Variants in ESRRG observed in about 807,000 individuals in gnomAD.
ESRRG encodes the protein estrogen-related receptor gamma.
Under a neutral mutation model 44.0 loss-of-function variants are expected in ESRRG, and 13 were observed. That is an observed-to-expected ratio of 0.30 (90% CI 0.19 to 0.47). The LOEUF is 0.47. Among genes scored for constraint, ESRRG ranks in the 20% least tolerant of loss-of-function variants. The probability of loss-of-function intolerance (pLI) is 1.00; values close to 1 mark genes in which losing one functional copy is unlikely to be tolerated. For synonymous variants in ESRRG, 215 were observed against 214.6 expected, an observed-to-expected ratio of 1.00 and a Z score of -0.02; for missense variants, 395 against 580.6, an observed-to-expected ratio of 0.68 and a Z score of 3.29.
chr1:216,837,570 C>T (rs2095587179), intron 2 of ESRRG, among the ~76,000 whole-genome samples: 1 of 151,962 alleles, frequency 6.6e-6, no homozygotes, highest in Non-Finnish European at 1.5e-5. Context: ...TAAAGATAGC[C>T]CAGTGGGTTG....
intron 2 of ESRRG, among the ~76,000 whole-genome samples, chr1:216,854,505 G>A (rs942056923): frequency 3.9e-5 from 6 of 152,014 alleles, no homozygotes; most frequent in African/African-American, 1.4e-4. Flanking sequence ...CAGGTAGGTA[G>A]ACAAATGTGT....
intron 3 of ESRRG, among the ~76,000 whole-genome samples, chr1:216,574,472 G>C (rs1372900922): frequency 1.3e-5 from 2 of 152,062 alleles, no homozygotes; most frequent in Non-Finnish European, 1.5e-5. Context: ...ATAATATTCT[G>C]TAGTCCAAAG....
At chr1:216,513,886 C>T (rs1362508490) in intron 6 of ESRRG, among the ~76,000 whole-genome samples, 1 of 152,006 alleles carries the variant, frequency 6.6e-6, no homozygotes, top group Non-Finnish European at 1.5e-5. Context: ...GTGAATAGTT[C>T]AACATTTCAA....
At chr1:216,723,457 GC>G, upstream of ESRRG, 1 of 656,410 alleles carries the variant, frequency 1.5e-6, no homozygotes. Context: ...AGGACTTAAA[GC>G]CCCGATTGGA....
chr1:216,516,637 A>ACG (rs913334864), intron 6 of ESRRG, among the ~76,000 whole-genome samples: 3 of 47,454 alleles, frequency 6.3e-5, no homozygotes, highest in African/African-American at 2.1e-4. Context: ...ACACACACAT[A>ACG]CACACACACA....
At chr1:216,804,366 C>T (rs528096295) in intron 2 of ESRRG, among the ~76,000 whole-genome samples, 1 of 152,256 alleles carries the variant, frequency 6.6e-6, no homozygotes, top group South Asian at 2.1e-4. Context: ...GTAGTGACAG[C>T]AAGGATGCCG....
chr1:216,969,849 G>C (rs2071276614), intron 1 of ESRRG, among the ~76,000 whole-genome samples: 1 of 152,082 alleles, frequency 6.6e-6, no homozygotes, highest in Non-Finnish European at 1.5e-5. Flanking sequence ...CACTCTCAAA[G>C]TGCTGGGATT....
intron 1 of ESRRG, among the ~76,000 whole-genome samples, chr1:216,948,157 A>G (rs952130118): frequency 6.6e-6 from 1 of 152,102 alleles, no homozygotes; most frequent in African/African-American, 2.4e-5. Flanking sequence ...TCCAACCACC[A>G]CTGCTGTAAC....
intron 1 of ESRRG, among the ~76,000 whole-genome samples, chr1:217,026,531 C>G (rs1221657252): frequency 2.6e-5 from 4 of 152,074 alleles, no homozygotes; most frequent in Admixed American, 1.3e-4. Context: ...TTAAATAGCA[C>G]CTAGGTCCTG....
At chr1:216,845,271 C>T (rs1041679473) in intron 2 of ESRRG, among the ~76,000 whole-genome samples, 1 of 151,992 alleles carries the variant, frequency 6.6e-6, no homozygotes, top group Non-Finnish European at 1.5e-5. Flanking sequence ...GAAGGAGTAC[C>T]ATAAATATTT....
At chr1:216,894,349 C>A (rs2058166993) in intron 2 of ESRRG, among the ~76,000 whole-genome samples, 1 of 152,128 alleles carries the variant, frequency 6.6e-6, no homozygotes, top group African/African-American at 2.4e-5. Flanking sequence ...TCATAACTCC[C>A]TGAGTCAGGT....
At chr1:217,095,487 T>C (rs1342925132) in intron 1 of ESRRG, among the ~76,000 whole-genome samples, 2 of 152,148 alleles carry the variant, frequency 1.3e-5, no homozygotes, top group African/African-American at 4.8e-5. Flanking sequence ...ACTGCACTTG[T>C]TGAGGTGGCA....
At chr1:217,114,214 G>A (rs1021334329) in intron 1 of ESRRG, among the ~76,000 whole-genome samples, 6 of 151,926 alleles carry the variant, frequency 3.9e-5, no homozygotes, top group African/African-American at 1.2e-4. Context: ...AAATTCTGGT[G>A]AGTGATAAAT....
At chr1:216,514,959 TAC>T (rs35668576) in intron 6 of ESRRG, among the ~76,000 whole-genome samples, 53,130 of 149,098 alleles carry the variant, frequency 0.36, 10,816 homozygotes, top group African/African-American at 0.57. Context: ...TTTTACTTTA[TAC>T]ACACACACAC....
At chr1:216,875,857 A>G (rs1254854651) in intron 2 of ESRRG, among the ~76,000 whole-genome samples, 2 of 152,076 alleles carry the variant, frequency 1.3e-5, no homozygotes, top group African/African-American at 4.8e-5. Context: ...GGTTTTCCCA[A>G]TCTACACTCC....
At chr1:216,910,306 G>A (rs79897285) in intron 2 of ESRRG, among the ~76,000 whole-genome samples, 3,654 of 151,770 alleles carry the variant, frequency 0.024, 56 homozygotes, top group Non-Finnish European at 0.037. Context: ...TGATTCCAAA[G>A]CAAACTAAAC....
rs149787257 is a variant in ESRRG, at chr1:216,719,208, T to A, written c.56+4036A>T. Among the ~76,000 whole-genome samples the A allele has an allele frequency of 1.8e-3, 277 of 152,048 alleles. 1 individual carries two copies. Among genetic ancestry groups the A allele is most frequent in the African/African-American group, 5.3e-3 (219 of 41,512 alleles). ...GTCTGTAATTCTTGCAGGAGTGAGG[T>A]ATTGCAAAAGTATTGTTAAATAGAA... is the stretch of plus-strand genomic sequence containing the variant. On this transcript the variant is annotated intron_variant, in intron 1 of 6. Transcript: ENST00000408911.
intron 2 of ESRRG, among the ~76,000 whole-genome samples, chr1:216,667,916 T>A (rs895012292): frequency 7.3e-5 from 11 of 151,550 alleles, no homozygotes; most frequent in Non-Finnish European, 1.3e-4. Flanking sequence ...ACTAACATGG[T>A]GAAACCCCGT....
chr1:216,790,767 C>T lies in ESRRG; in HGVS notation c.-13-113276G>A, dbSNP rs185251020. On this transcript the variant is annotated intron_variant, in intron 2 of 7. Transcript: ENST00000359162. ...GAAAATAAGAATAATGAATCATGAT[C>T]AGTTGTAGTAATTTCATCCTCTTTA... Among the ~76,000 whole-genome samples, 10 of 152,132 alleles carry T rather than the reference C, an allele frequency of 6.6e-5. No individual in the cohort carries two copies. In the East Asian group the frequency reaches 1.9e-3, roughly 30 times the overall value.
Sources: gnomAD v4.1 joint callset for allele counts (sites outside exome capture counted in the v4.1 genomes callset) on GRCh38, gnomAD v4.1.1 for gene constraint, MANE v1.5 for transcripts, NCBI Gene and HGNC (gene_info 2026-07-23, HGNC 2026-07-21) for gene names.